The following ZFP14 variants were observed in gnomAD, a reference collection of about 807,000 sequenced individuals.
ZFP14 encodes ZFP14 zinc finger protein, also known as zinc finger protein 14 homolog.
ZFP14 carries 22 observed loss-of-function variants against 54.5 expected under a neutral mutation model. The ratio of observed to expected loss-of-function variants is 0.40; its 90% CI spans 0.29 to 0.58. The LOEUF (loss-of-function observed/expected upper bound fraction) is 0.58, where lower values mean the gene tolerates loss of function less well. Ranked by LOEUF, ZFP14 falls within the 20% of genes least tolerant of loss-of-function variation. ZFP14 has a pLI of 0.39. For missense variants in ZFP14, 470 were observed against 637.8 expected (o/e 0.74, Z 2.83); for synonymous variants, 159 against 204.0 (o/e 0.78, Z 1.88).
chr19:36,371,704 A>T (rs2031879095), intron 1 of ZFP14, among the ~76,000 whole-genome samples: 1 of 152,124 alleles, frequency 6.6e-6, no homozygotes, highest in Non-Finnish European at 1.5e-5. Flanking sequence ...CATGCCTATA[A>T]TCCCAGCACT....
intron 4 of ZFP14, among the ~76,000 whole-genome samples, chr19:36,356,973 C>A (rs576337568): frequency 6.6e-6 from 1 of 152,082 alleles, no homozygotes; most frequent in Non-Finnish European, 1.5e-5. Context: ...GTGACTCACC[C>A]ATTCATCTGC....
chr19:36,366,687 G>A (rs2031799754), intron 2 of ZFP14, among the ~76,000 whole-genome samples: 1 of 152,150 alleles, frequency 6.6e-6, no homozygotes, highest in Non-Finnish European at 1.5e-5. Flanking sequence ...TGGTTACCCT[G>A]GGCAGTAGGT....
At chr19:36,348,197 T>C (rs533679982) in intron 4 of ZFP14, among the ~76,000 whole-genome samples, 2 of 152,210 alleles carry the variant, frequency 1.3e-5, no homozygotes, top group South Asian at 4.1e-4. Context: ...GTAATAATAC[T>C]ACAGGGATTT....
chr19:36,335,242 C>A lies in ZFP14; in HGVS notation c.*4982G>T, dbSNP rs1376690378. 6.6e-6 allele frequency: 1 copy of A among 152,058 alleles called. No homozygotes were observed. The highest frequency in any genetic ancestry group is 1.9e-4 in the East Asian group (1 of 5,190). The allele number at this position is 152,058 out of a possible 1,614,324, so 9.4% of individuals were successfully genotyped here. On this transcript the variant is annotated 3_prime_UTR_variant, in exon 5 of 5. Coordinates refer to ENST00000270001, the MANE Select transcript of ZFP14 (RefSeq NM_020917.3). ...AAGAAATCTTTTTTTCAAATACCAT[C>A]GAGAATTAATATTCCTTGAAGCAAA...
chr19:36,367,280 G>A (rs917939847), intron 2 of ZFP14, among the ~76,000 whole-genome samples: 4 of 152,228 alleles, frequency 2.6e-5, no homozygotes, highest in African/African-American at 4.8e-5. Context: ...AATGAAAAGC[G>A]GTTCCACTGG....
At chr19:36,366,839 A>G (rs1177032661) in intron 2 of ZFP14, among the ~76,000 whole-genome samples, 1 of 152,106 alleles carries the variant, frequency 6.6e-6, no homozygotes, top group Non-Finnish European at 1.5e-5. Context: ...CTCCACAAAA[A>G]ATTTCAAAAA....
Position 36,340,670 on chromosome 19 carries a change from G to A in ZFP14, c.1156C>T (p.His386Tyr). 1 of 1,613,988 alleles carries A rather than the reference G, an allele frequency of 6.2e-7. No individual in the cohort carries two copies. Among genetic ancestry groups the A allele is most frequent in the South Asian group, 1.1e-5 (1 of 91,076 alleles). ...TTCTCACGAGTATGTATTCTCTGAT[G>A]GCGAACTAGTTGTTGTCTTAATCTA... ...TFRLRQQLVR[H>Y]QRIHTREKPY... is the part of the protein sequence containing the mutation. Residue 386 changes from histidine (H) to tyrosine (Y), a missense_variant, in exon 5 of 5, where the codon CAT becomes TAT. Physicochemically the swap from His to Tyr is moderately conservative, Grantham distance 83. Coordinates refer to ENST00000270001, the MANE Select transcript of ZFP14 (RefSeq NM_020917.3). The surrounding 1 kb of genome is among the most constrained non-coding windows in gnomAD (Gnocchi z 5.4).
Position 36,341,203 on chromosome 19 carries a change from G to A in ZFP14, c.623C>T (p.Ala208Val), listed in dbSNP as rs140092323. The change falls in exon 5 of 5, where the codon GCC (alanine) becomes GTC (valine). Residue 208 changes from alanine to valine, a missense_variant. By Grantham distance (64) the Ala-to-Val change is moderately conservative (BLOSUM62 0). Coordinates refer to ENST00000270001, the MANE Select transcript of ZFP14 (RefSeq NM_020917.3). The surrounding 1 kb of genome is among the most constrained non-coding windows in gnomAD (Gnocchi z 4.2). ...AATAAGATGTGCACGCTGTCTAAAGGCCTGCCCACATTCCTTACACTTATA... is the reference window on the plus strand; with the variant it reads ...AATAAGATGTGCACGCTGTCTAAAGACCTGCCCACATTCCTTACACTTATA... Reference protein sequence around the residue: ...KPYKCKECGQAFRQRAHLIRH... With the variant: ...KPYKCKECGQVFRQRAHLIRH... 8.1e-6 allele frequency: 13 copies of A among 1,614,134 alleles called. No individual in the cohort carries two copies. The East Asian group carries it at 2.9e-4, about 36-fold the overall frequency.
intron 1 of ZFP14, among the ~76,000 whole-genome samples, chr19:36,377,864 C>A (rs764901191): frequency 6.6e-6 from 1 of 151,464 alleles, no homozygotes; most frequent in Non-Finnish European, 1.5e-5. Flanking sequence ...CAAAAAAAAA[C>A]AAAACAAAAC....
At chr19:36,372,242 A>C (rs1003742750) in intron 1 of ZFP14, among the ~76,000 whole-genome samples, 1 of 152,032 alleles carries the variant, frequency 6.6e-6, no homozygotes, top group Non-Finnish European at 1.5e-5. Context: ...GAAAATAATA[A>C]AGATTAGGGC....
chr19:36,377,481 A>G (rs1401577664), intron 1 of ZFP14, among the ~76,000 whole-genome samples: 1 of 151,364 alleles, frequency 6.6e-6, no homozygotes, highest in Non-Finnish European at 1.5e-5. Context: ...AGGGAGGTCC[A>G]GGCTGCAGGG....
chr19:36,375,643 C>T (rs1310905730), intron 1 of ZFP14, among the ~76,000 whole-genome samples: 2 of 151,420 alleles, frequency 1.3e-5, no homozygotes, highest in Non-Finnish European at 2.9e-5. Context: ...CTGCAAGCTC[C>T]GCCTCCCGGG....
chr19:36,356,015 T>C (rs896462067), intron 4 of ZFP14, among the ~76,000 whole-genome samples: 2 of 143,164 alleles, frequency 1.4e-5, no homozygotes, highest in African/African-American at 5.1e-5. Context: ...TAAAATTTTT[T>C]TTATTTTAAA....
chr19:36,353,715 ATC>A (rs1315402214), intron 4 of ZFP14, among the ~76,000 whole-genome samples: 9 of 136,660 alleles, frequency 6.6e-5, no homozygotes, highest in African/African-American at 2.4e-4. Flanking sequence ...AAAAAAAAAA[ATC>A]AGCTCATGTT....
chr19:36,371,650 A>G (rs1261407398), intron 1 of ZFP14, among the ~76,000 whole-genome samples: 1 of 152,078 alleles, frequency 6.6e-6, no homozygotes. Context: ...AAAGATAAAC[A>G]AGTAGAAAGC....
At chr19:36,379,029 A>C (rs1219754663) in intron 1 of ZFP14, 134 bp downstream of exon 1, 2 of 152,382 alleles carry the variant, frequency 1.3e-5, no homozygotes, top group African/African-American at 4.8e-5. Flanking sequence ...GAGAAGGCAG[A>C]GGACGCAACA....
chr19:36,346,190 G>C (rs1378201005), intron 4 of ZFP14, among the ~76,000 whole-genome samples: 1 of 152,058 alleles, frequency 6.6e-6, no homozygotes, highest in Non-Finnish European at 1.5e-5. Flanking sequence ...AAGACTGAGG[G>C]AAAGAGGATC....
chr19:36,358,066 A>G (rs1480752261), intron 4 of ZFP14, among the ~76,000 whole-genome samples: 4 of 145,898 alleles, frequency 2.7e-5, no homozygotes, highest in Non-Finnish European at 6.0e-5. Context: ...CTATCTATCT[A>G]TCTATCTATC....
At position 36,357,748 on chromosome 19, in the gene ZFP14, G is replaced by T. The variant is rs902264905; in HGVS notation, c.235+2687C>A. Among the ~76,000 whole-genome samples the T allele has an allele frequency of 2.6e-3, 373 of 142,372 alleles. 4 individuals are homozygous for T. Among genetic ancestry groups the T allele is most frequent in the African/African-American group, 9.3e-3 (358 of 38,558 alleles). 93.4% of individuals were successfully genotyped at this position (142,372 alleles called of 152,430 possible). ...ATAAATCCTGAAGTTTTTGTTTTTT[G>T]TTTTTTTTTTTGAGATAAGAGTCTC... On this transcript the variant is annotated intron_variant, in intron 4 of 4. Coordinates refer to ENST00000270001, the MANE Select transcript of ZFP14 (RefSeq NM_020917.3).
Sources: gnomAD v4.1 joint callset for allele counts (sites outside exome capture counted in the v4.1 genomes callset) on GRCh38, gnomAD v4.1.1 for gene constraint, Gnocchi (gnomAD v3.1) non-coding constraint, MANE v1.5 for transcripts, NCBI Gene and HGNC (gene_info 2026-07-23, HGNC 2026-07-21) for gene names.